SCML4: variants seen among roughly 807,000 people sequenced by gnomAD.
SCML4 encodes sex comb on midleg-like protein 4.
In SCML4, 34 loss-of-function variants were observed where a neutral mutation model predicts 41.1. The ratio of observed to expected loss-of-function variants is 0.83; its 90% confidence interval spans 0.63 to 1.10. SCML4 has a LOEUF of 1.10. Ranked by LOEUF, SCML4 falls within the 50% of genes least tolerant of loss-of-function variation. SCML4 has a pLI of 0.00. For synonymous variants in SCML4, 214 were observed against 220.9 expected (o/e 0.97, Z 0.28); for missense variants, 522 against 534.1 (o/e 0.98, Z 0.22).
chr6:107,746,630 C>G (rs1461285710), intron 4 of SCML4, 59 bp downstream of exon 4: 1 of 1,487,100 alleles, frequency 6.7e-7, no homozygotes. Flanking sequence ...CTGAGTATGG[C>G]TGCTTCCTCT....
chr6:107,774,831 G>A (rs1780795149), intron 1 of SCML4, among the ~76,000 whole-genome samples: 1 of 151,914 alleles, frequency 6.6e-6, no homozygotes, highest in Non-Finnish European at 1.5e-5. Flanking sequence ...AGACCAGCCT[G>A]GCCAACATGG....
chr6:107,706,076 G>A (rs1352607846), intron 7 of SCML4, among the ~76,000 whole-genome samples: 6 of 152,294 alleles, frequency 3.9e-5, no homozygotes, highest in African/African-American at 1.4e-4. Flanking sequence ...GCTCAAGCAG[G>A]GAGAAAAGAC....
At chr6:107,706,985 A>G (rs1442360699) in intron 7 of SCML4, among the ~76,000 whole-genome samples, 1 of 152,180 alleles carries the variant, frequency 6.6e-6, no homozygotes, top group Non-Finnish European at 1.5e-5. Context: ...GGTAAGACAG[A>G]GAATGTATAT....
chr6:107,727,779 T>C (rs901463333), intron 5 of SCML4, among the ~76,000 whole-genome samples: 1 of 152,228 alleles, frequency 6.6e-6, no homozygotes, highest in African/African-American at 2.4e-5. Context: ...TCACGTGTAT[T>C]GAACATCTAC....
At chr6:107,752,066 G>C (rs921961445) in intron 2 of SCML4, among the ~76,000 whole-genome samples, 1 of 152,176 alleles carries the variant, frequency 6.6e-6, no homozygotes, top group African/African-American at 2.4e-5. Flanking sequence ...ATGAGAAGTA[G>C]ACAGATCCTG....
rs564320217 is a variant in SCML4, at chr6:107,786,381, TTG to T, written c.-59-13997_-59-13996del. On this transcript the variant is annotated intron_variant, in intron 1 of 7. Transcript: ENST00000369020. The stretch of plus-strand genomic sequence containing the variant: ...ATGAAAAGGAGCCACCTACAAAAAT[TTG>T]TGTTTCTCAAGGAAGTGGCTTTCCA... 1.6e-3 allele frequency among the ~76,000 whole-genome samples: 238 copies of T among 152,284 alleles called. 1 individual carries two copies. Among genetic ancestry groups the T allele is most frequent in the African/African-American group, 5.6e-3 (232 of 41,554 alleles).
At position 107,801,112 on chromosome 6, in the gene SCML4, A is replaced by G. The variant is rs143697657; in HGVS notation, c.-60+23014T>C. Among the ~76,000 whole-genome samples, 491 of 152,280 alleles carry G rather than the reference A, an allele frequency of 3.2e-3. 2 individuals carry two copies. The highest frequency in any genetic ancestry group is 0.011 in the African/African-American group (470 of 41,562). On this transcript the variant is annotated intron_variant, in intron 1 of 7. Coordinates refer to ENST00000369020, the MANE Select transcript of SCML4 (RefSeq NM_198081.5). ...TAAAACTTCCCTATTCCAATTGCCA[A>G]TGTGGTTTATGTCTTCTGACTGAAC...
rs751084961 is a variant in SCML4 at position 107,720,955 on chromosome 6, C to A, written c.721G>T (p.Val241Leu). The A allele has an allele frequency of 6.2e-7, 1 of 1,613,264 alleles. No individual in the cohort carries two copies. Among genetic ancestry groups the A allele is most frequent in the African/African-American group, 1.3e-5 (1 of 74,876 alleles). Residue 241 changes from valine to leucine, a missense_variant, in exon 6 of 8, where the codon GTG (valine) becomes TTG (leucine). Physicochemically the swap from Val to Leu is conservative, Grantham distance 32. Transcript: ENST00000369020. ...VTTEEYLVNP[V>L]GMNRYSVDTS... is the part of the protein sequence containing the mutation. ...TCCACGCTGTAGCGGTTCATGCCCA[C>A]AGGGTTCACCAGGTACTCTTCGGTG...
the SCML4 span, among the ~76,000 whole-genome samples, chr6:107,844,045 T>C: frequency 6.6e-6 from 1 of 152,096 alleles, no homozygotes; most frequent in Non-Finnish European, 1.5e-5. Context: ...GGAGAAATCA[T>C]CAAGGATACA....
At chr6:107,834,297 G>A in the SCML4 span, among the ~76,000 whole-genome samples, 149,273 of 152,264 alleles carry the variant, frequency 0.98, 73,245 homozygotes, top group Middle Eastern at 1. Context: ...CCCTGACGGA[G>A]TGAAGGTTTA....
chr6:107,841,251 G>A, the SCML4 span, among the ~76,000 whole-genome samples: 1 of 152,096 alleles, frequency 6.6e-6, no homozygotes, highest in African/African-American at 2.4e-5. Flanking sequence ...CTTGAGGCCA[G>A]GAGTTCAAGA....
chr6:107,788,628 G>A (rs1280014354), intron 1 of SCML4, among the ~76,000 whole-genome samples: 1 of 152,102 alleles, frequency 6.6e-6, no homozygotes, highest in African/African-American at 2.4e-5. Flanking sequence ...CCATCTAGAT[G>A]ATGCCCATCT....
intron 5 of SCML4, among the ~76,000 whole-genome samples, chr6:107,736,716 G>A (rs1777103871): frequency 6.6e-6 from 1 of 152,154 alleles, no homozygotes; most frequent in Non-Finnish European, 1.5e-5. Context: ...TATTCTACTA[G>A]ATAAATGTGT....
intron 1 of SCML4, among the ~76,000 whole-genome samples, chr6:107,779,111 C>T (rs1458584704): frequency 2.0e-5 from 3 of 152,060 alleles, no homozygotes; most frequent in Admixed American, 1.3e-4. Context: ...ACCCGGGAGG[C>T]GGAGCTTGCA....
At chr6:107,833,227 C>G in the SCML4 span, among the ~76,000 whole-genome samples, 3 of 152,100 alleles carry the variant, frequency 2.0e-5, no homozygotes, top group African/African-American at 7.2e-5. Context: ...TCTCAAGATG[C>G]GTTGTTTAAG....
At chr6:107,829,025 G>A (rs1430765848), upstream of SCML4, among the ~76,000 whole-genome samples, 5 of 152,116 alleles carry the variant, frequency 3.3e-5, no homozygotes, top group Admixed American at 6.5e-5. Context: ...AAATGTTTGC[G>A]AAAATATTGC....
At chr6:107,801,157 C>T (rs972134993) in intron 1 of SCML4, among the ~76,000 whole-genome samples, 18 of 152,180 alleles carry the variant, frequency 1.2e-4, no homozygotes, top group African/African-American at 4.3e-4. Flanking sequence ...CTTCAGATTC[C>T]AGTCCCTTCT....
intron 1 of SCML4, among the ~76,000 whole-genome samples, chr6:107,801,696 T>C: frequency 6.6e-6 from 1 of 152,180 alleles, no homozygotes. Flanking sequence ...ACAGGGCGTA[T>C]GACTGAGAAA....
At chr6:107,710,972 A>G (rs1278315220) in intron 6 of SCML4, among the ~76,000 whole-genome samples, 1 of 66,720 alleles carries the variant, frequency 1.5e-5, no homozygotes, top group African/African-American at 6.0e-5. Context: ...TCTGCTTGAA[A>G]TGGATCCCAA....
Sources: gnomAD v4.1 joint callset for allele counts (sites outside exome capture counted in the v4.1 genomes callset) on GRCh38, gnomAD v4.1.1 for gene constraint, MANE v1.5 for transcripts, NCBI Gene and HGNC (gene_info 2026-07-23, HGNC 2026-07-21) for gene names.